The following CDH1 variants were observed in gnomAD, a reference collection of about 807,000 sequenced individuals.
CDH1 encodes the protein cadherin 1, also known as cadherin-1.
Under a neutral mutation model 84.5 loss-of-function variants are expected in CDH1, and 35 were observed. The observed-to-expected ratio is 0.41, with a 90% confidence interval of 0.32 to 0.55. CDH1 has a LOEUF of 0.55. Ranked by LOEUF, CDH1 falls within the 20% of genes least tolerant of loss-of-function variation. The pLI is 0.19. For synonymous variants in CDH1, 417 were observed against 439.0 expected (o/e 0.95, Z 0.63); for missense variants, 994 against 1,126.6 (o/e 0.88, Z 1.68).
chr16:68,828,739 C>T (rs1433423685), intron 14 of CDH1, among the ~76,000 whole-genome samples: 2 of 152,176 alleles, frequency 1.3e-5, no homozygotes, highest in Non-Finnish European at 2.9e-5. Flanking sequence ...CATGGTTATA[C>T]CTTCAGTCCC....
intron 2 of CDH1, among the ~76,000 whole-genome samples, chr16:68,785,248 G>C (rs1278068171): frequency 6.6e-6 from 1 of 152,062 alleles, no homozygotes; most frequent in Non-Finnish European, 1.5e-5. Context: ...CTGGAGTACA[G>C]TGGCGCGATC....
intron 2 of CDH1, among the ~76,000 whole-genome samples, chr16:68,754,509 G>A (rs916865676): frequency 8.5e-5 from 13 of 152,218 alleles, no homozygotes; most frequent in Non-Finnish European, 1.8e-4. Context: ...CTTCCCGTAT[G>A]CCATCTCCTG....
intron 2 of CDH1, among the ~76,000 whole-genome samples, chr16:68,787,544 A>G (rs897364671): frequency 4.0e-5 from 6 of 151,352 alleles, no homozygotes; most frequent in African/African-American, 1.5e-4. Context: ...GGATCCTACT[A>G]TGTTGCCCAG....
chr16:68,761,812 CT>C (rs1290781222), intron 2 of CDH1, among the ~76,000 whole-genome samples: 1 of 152,124 alleles, frequency 6.6e-6, no homozygotes, highest in Non-Finnish European at 1.5e-5. Context: ...AGACACACCC[CT>C]GACACTGAGC....
rs549644747 is a variant in CDH1, at chr16:68,789,518, CT to C, written c.164-12138del. On this transcript the variant is annotated intron_variant, in intron 2 of 15. Coordinates refer to ENST00000261769, the MANE Select transcript of CDH1 (RefSeq NM_004360.5). Reference sequence around the variant, plus strand: ...TGAATACTTTGTGCGATTGGCTCATCTTTTTTTTTTTTTTGTAACAGCTTTA... The same window carrying C: ...TGAATACTTTGTGCGATTGGCTCATCTTTTTTTTTTTTTGTAACAGCTTTA... 3.7e-3 allele frequency among the ~76,000 whole-genome samples: 525 copies of C among 142,342 alleles called. 1 individual carries two copies. Among genetic ancestry groups the C allele is most frequent in the Admixed American group, 4.0e-3 (57 of 14,196 alleles). The allele number at this position is 142,342 out of a possible 152,430, so 93.4% of individuals were successfully genotyped here.
At chr16:68,819,219 G>A (rs1309098828) in intron 10 of CDH1, 61 bp from the exon 11 acceptor site, 48 of 1,596,286 alleles carry the variant, frequency 3.0e-5, no homozygotes, top group Non-Finnish European at 3.4e-5. Context: ...CGCTTAAGCC[G>A]TTTTCAGCTA....
intron 2 of CDH1, among the ~76,000 whole-genome samples, chr16:68,772,406 C>A (rs2152120937): frequency 1.3e-5 from 2 of 152,246 alleles, no homozygotes; most frequent in Middle Eastern, 3.4e-3. Flanking sequence ...GATTAATAAG[C>A]CATAGACCCA....
chr16:68,818,640 A>G (rs1961050332), intron 10 of CDH1, among the ~76,000 whole-genome samples: 1 of 149,086 alleles, frequency 6.7e-6, no homozygotes, highest in Non-Finnish European at 1.5e-5. Context: ...TGAGGTCAGG[A>G]GATCGAGACC....
At chr16:68,763,671 T>C (rs960743787) in intron 2 of CDH1, 1 of 152,240 alleles carries the variant, frequency 6.6e-6, no homozygotes, top group South Asian at 2.1e-4. Context: ...GTTACCGTTG[T>C]CAGCTCCAGG....
intron 9 of CDH1, among the ~76,000 whole-genome samples, chr16:68,814,921 T>TAA (rs746677240): frequency 2.3e-4 from 30 of 131,694 alleles, no homozygotes; most frequent in Admixed American, 5.4e-4. Flanking sequence ...CTCCATCTCT[T>TAA]AAAAAAAAAA....
intron 14 of CDH1, 27 bp downstream of exon 14, chr16:68,828,331 A>C (rs773824285): frequency 1.9e-6 from 3 of 1,612,556 alleles, no homozygotes; most frequent in East Asian, 2.2e-5. Context: ...TTGGTAGCTC[A>C]GTGGTGATCT....
intron 2 of CDH1, among the ~76,000 whole-genome samples, chr16:68,799,472 A>G (rs1960441802): frequency 6.6e-6 from 1 of 152,112 alleles, no homozygotes. Context: ...TAGCTATTGC[A>G]TGGGGTAGCC....
intron 10 of CDH1, among the ~76,000 whole-genome samples, chr16:68,816,836 G>C (rs1225059855): frequency 6.6e-6 from 1 of 152,182 alleles, no homozygotes; most frequent in African/African-American, 2.4e-5. Flanking sequence ...GCTCCAAACT[G>C]TAAGGCCTGG....
intron 2 of CDH1, among the ~76,000 whole-genome samples, chr16:68,761,053 C>G (rs1959216811): frequency 1.3e-5 from 2 of 152,188 alleles, no homozygotes; most frequent in African/African-American, 2.4e-5. Flanking sequence ...TCGAGTCACA[C>G]AGGAGGGTAG....
In CDH1 at chr16:68,822,189, G is replaced by A. The variant is rs1060501240; in HGVS notation, c.1900G>A (p.Ala634Thr). 4 of 1,613,926 alleles carry A rather than the reference G, an allele frequency of 2.5e-6. No homozygotes were observed. Among genetic ancestry groups the A allele is most frequent in the South Asian group, 1.1e-5 (1 of 91,070 alleles). ...CTTCACAGCAGAACTAACACACGGGGCGAGTGCCAACTGGACCATTCAGTA... is the reference window on the plus strand; with the variant it reads ...CTTCACAGCAGAACTAACACACGGGACGAGTGCCAACTGGACCATTCAGTA... ...SPFTAELTHG[A>T]SANWTIQYND... The change falls in exon 12 of 16, where the codon GCG (alanine) becomes ACG (threonine). Residue 634 changes from alanine (A) to threonine (T), a missense_variant. By Grantham distance (58) the Ala-to-Thr change is moderately conservative (BLOSUM62 0). Transcript: ENST00000261769.
At chr16:68,743,325 T>C (rs1962619998) in intron 2 of CDH1, among the ~76,000 whole-genome samples, 1 of 23,626 alleles carries the variant, frequency 4.2e-5, no homozygotes, top group Non-Finnish European at 9.9e-5. Flanking sequence ...CTTTCTTTCT[T>C]TCTTTCTTTC....
chr16:68,798,898 C>G (rs1472168038), intron 2 of CDH1, among the ~76,000 whole-genome samples: 1 of 152,192 alleles, frequency 6.6e-6, no homozygotes, highest in East Asian at 1.9e-4. Context: ...CTTCTTGATT[C>G]TTTCATCATC....
chr16:68,809,226 CTT>C (rs536314715), intron 5 of CDH1, among the ~76,000 whole-genome samples: 43 of 135,268 alleles, frequency 3.2e-4, no homozygotes, highest in Admixed American at 4.5e-4. Context: ...ACCAAGAGGT[CTT>C]TTTTTTTTTT....
chr16:68,738,237 C>G, intron 1 of CDH1, 60 bp from the exon 2 acceptor site: 5 of 1,138,538 alleles, frequency 4.4e-6, no homozygotes, highest in Non-Finnish European at 3.9e-6. Flanking sequence ...CTGTTGGTTT[C>G]GGTGAGCAGG....
Sources: allele counts gnomAD v4.1 joint callset (sites outside exome capture counted in the v4.1 genomes callset), GRCh38; gene constraint gnomAD v4.1.1; transcripts MANE v1.5; gene names NCBI Gene and HGNC (gene_info 2026-07-23, HGNC 2026-07-21).